EDIL3: variants seen among roughly 807,000 people sequenced by gnomAD.
The protein encoded by EDIL3 is EGF like and discoidin domains 3.
A neutral mutation model predicts 67.4 loss-of-function variants in EDIL3; 37 were observed. The ratio of observed to expected loss-of-function variants is 0.55; its 90% CI spans 0.42 to 0.72. The LOEUF (loss-of-function observed/expected upper bound fraction) is 0.72, where lower values mean the gene tolerates loss of function less well. Among genes scored for constraint, EDIL3 ranks in the 30% least tolerant of loss-of-function variants. The probability of loss-of-function intolerance (pLI) is 0.00; values close to 1 mark genes in which losing one functional copy is unlikely to be tolerated. For synonymous variants in EDIL3, 195 were observed against 196.3 expected, an observed-to-expected ratio of 0.99 and a Z score of 0.05; for missense variants, 527 against 586.3, an observed-to-expected ratio of 0.90 and a Z score of 1.04.
chr5:83,991,785 G>A (rs1394348423), intron 9 of EDIL3, among the ~76,000 whole-genome samples: 2 of 152,046 alleles, frequency 1.3e-5, no homozygotes, highest in African/African-American at 2.4e-5. Flanking sequence ...GGCCGACCGC[G>A]GAATTTCCTT....
At chr5:84,143,785 T>C (rs1240782772) in intron 4 of EDIL3, among the ~76,000 whole-genome samples, 1 of 152,010 alleles carries the variant, frequency 6.6e-6, no homozygotes, top group Non-Finnish European at 1.5e-5. Flanking sequence ...TAAGAACAGA[T>C]GCCTCTTTCA....
rs58899413 is a variant in EDIL3, at chr5:84,240,729, G to T, written c.197-10845C>A. Among the ~76,000 whole-genome samples the T allele has an allele frequency of 4.6e-3, 695 of 152,234 alleles. 3 individuals are homozygous for T. The highest frequency in any genetic ancestry group is 0.016 in the African/African-American group (664 of 41,542). ...GAAACTGGTTCCTGGTGCCAAAAAG[G>T]TTGGGGACCGCAGCTCTATGGAATA... On this transcript the variant is annotated intron_variant, in intron 2 of 10. Transcript: ENST00000296591.
chr5:83,996,921 T>C (rs1463309385), intron 9 of EDIL3, among the ~76,000 whole-genome samples: 2 of 152,196 alleles, frequency 1.3e-5, no homozygotes, highest in Non-Finnish European at 2.9e-5. Flanking sequence ...AGGTAATTCA[T>C]ACATACATTT....
At chr5:84,190,406 A>G (rs766559668) in intron 3 of EDIL3, among the ~76,000 whole-genome samples, 17 of 151,878 alleles carry the variant, frequency 1.1e-4, no homozygotes, top group South Asian at 2.1e-4. Flanking sequence ...TTGAGAATAC[A>G]CATCAGCTTG....
rs144765353 is a variant in EDIL3, at chr5:84,136,380, T to C, written c.469+861A>G. ...CTTTCCTCTAATTGTCCAACAATTA[T>C]AAGGCTATAGCACTAGTATTACTAA... On this transcript the variant is annotated intron_variant, in intron 5 of 10. Transcript: ENST00000296591. Among the ~76,000 whole-genome samples the C allele has an allele frequency of 3.7e-4, 56 of 152,326 alleles. No individual in the cohort carries two copies. In the East Asian group the frequency reaches 9.5e-3, roughly 26 times the overall value.
intron 1 of EDIL3, among the ~76,000 whole-genome samples, chr5:84,313,988 G>A (rs141212663): frequency 2.6e-5 from 4 of 152,208 alleles, no homozygotes; most frequent in South Asian, 2.1e-4. Context: ...CTGAAGTCAG[G>A]AGTTTCAGAC....
At chr5:84,107,842 T>C (rs139462485) in intron 5 of EDIL3, among the ~76,000 whole-genome samples, 25 of 150,762 alleles carry the variant, frequency 1.7e-4, no homozygotes, top group South Asian at 4.2e-4. Flanking sequence ...GTTTTGAAAA[T>C]TCAGAATAAG....
chr5:84,320,903 G>GA (rs1425253614), intron 1 of EDIL3, among the ~76,000 whole-genome samples: 1 of 152,168 alleles, frequency 6.6e-6, no homozygotes, highest in Non-Finnish European at 1.5e-5. Context: ...TTTTGGTAGA[G>GA]AATCTTTATC....
At chr5:84,045,074 T>C (rs1354824994) in intron 9 of EDIL3, among the ~76,000 whole-genome samples, 1 of 152,042 alleles carries the variant, frequency 6.6e-6, no homozygotes, top group African/African-American at 2.4e-5. Flanking sequence ...TAGATGGCCA[T>C]GGGGAGAATG....
intron 1 of EDIL3, among the ~76,000 whole-genome samples, chr5:84,334,072 T>TA (rs1435493012): frequency 6.6e-6 from 1 of 151,854 alleles, no homozygotes; most frequent in Non-Finnish European, 1.5e-5. Context: ...AGTTGATTTT[T>TA]TTTTTTTTTT....
intron 9 of EDIL3, among the ~76,000 whole-genome samples, chr5:84,011,377 T>C (rs1745514640): frequency 6.6e-6 from 1 of 152,202 alleles, no homozygotes; most frequent in East Asian, 1.9e-4. Flanking sequence ...GTGCATTTCT[T>C]CTTATCTCCA....
At chr5:84,114,066 G>A (rs966351323) in intron 5 of EDIL3, among the ~76,000 whole-genome samples, 6 of 151,554 alleles carry the variant, frequency 4.0e-5, no homozygotes, top group African/African-American at 1.5e-4. Context: ...GAGTTGTCTT[G>A]AGACCAGGCT....
chr5:84,362,344 T>C (rs958728731), intron 1 of EDIL3, among the ~76,000 whole-genome samples: 3 of 152,092 alleles, frequency 2.0e-5, no homozygotes, highest in African/African-American at 7.2e-5. Context: ...AGGCTTACAT[T>C]TTTAAATTGT....
intron 9 of EDIL3, among the ~76,000 whole-genome samples, chr5:84,030,513 C>T (rs1298099031): frequency 6.6e-6 from 1 of 150,440 alleles, no homozygotes; most frequent in East Asian, 1.9e-4. Context: ...AAAAATCGCA[C>T]AAGAACATGT....
intron 6 of EDIL3, among the ~76,000 whole-genome samples, chr5:84,069,803 G>T (rs1746704381): frequency 6.6e-6 from 1 of 151,974 alleles, no homozygotes; most frequent in African/African-American, 2.4e-5. Context: ...CCCAAATGTT[G>T]CATTTTCCAA....
intron 1 of EDIL3, among the ~76,000 whole-genome samples, chr5:84,267,947 G>T (rs987671986): frequency 6.6e-6 from 1 of 152,094 alleles, no homozygotes; most frequent in African/African-American, 2.4e-5. Flanking sequence ...GGCCAGCCTG[G>T]GCAACATGTT....
intron 9 of EDIL3, among the ~76,000 whole-genome samples, chr5:84,007,426 G>GA (rs750838766): frequency 2.0e-5 from 3 of 151,954 alleles, no homozygotes; most frequent in South Asian, 2.1e-4. Flanking sequence ...AACTCAGTAG[G>GA]AAAAAAACCT....
At chr5:84,359,205 A>G (rs938557353) in intron 1 of EDIL3, among the ~76,000 whole-genome samples, 4 of 152,228 alleles carry the variant, frequency 2.6e-5, no homozygotes, top group African/African-American at 9.6e-5. Flanking sequence ...AAACATTACC[A>G]CACGTATCTG....
intron 9 of EDIL3, among the ~76,000 whole-genome samples, chr5:84,007,964 C>T (rs73145922): frequency 0.06 from 9,063 of 152,138 alleles, 577 homozygotes; most frequent in African/African-American, 0.15. Context: ...AATGGATACC[C>T]TGTCATTTGC....
Sources: allele counts gnomAD v4.1 joint callset (sites outside exome capture counted in the v4.1 genomes callset), GRCh38; gene constraint gnomAD v4.1.1; transcripts MANE v1.5; gene names NCBI Gene and HGNC (gene_info 2026-07-23, HGNC 2026-07-21).